Variants in DNAJB1 observed in about 807,000 individuals in gnomAD.
DNAJB1 encodes the protein DnaJ heat shock protein family (Hsp40) member B1.
Under a neutral mutation model 24.0 loss-of-function variants are expected in DNAJB1, and 14 were observed. The observed-to-expected ratio is 0.58, with a 90% CI of 0.39 to 0.91. DNAJB1 has a LOEUF of 0.91. Ranked by LOEUF, DNAJB1 falls within the 40% of genes least tolerant of loss-of-function variation. The pLI, the probability that DNAJB1 is intolerant of heterozygous loss-of-function variation, is 0.00. For missense variants in DNAJB1, 517 were observed against 458.1 expected, an observed-to-expected ratio of 1.13 and a Z score of -1.17; for synonymous variants, 262 against 174.4, an observed-to-expected ratio of 1.50 and a Z score of -3.96.
At chr19:14,518,634 C>T (rs890538861), upstream of DNAJB1, among the ~76,000 whole-genome samples, 1 of 152,058 alleles carries the variant, frequency 6.6e-6, no homozygotes, top group Non-Finnish European at 1.5e-5. Flanking sequence ...GCGCACAGGT[C>T]GGAGGAGGCC....
intron 1 of DNAJB1, among the ~76,000 whole-genome samples, chr19:14,528,940 AAAAAC>A (rs553743215): frequency 2.6e-5 from 4 of 152,286 alleles, no homozygotes; most frequent in Non-Finnish European, 4.4e-5. Context: ...AGATTGTTTC[AAAAAC>A]AAAACAAAAC....
intron 1 of DNAJB1, among the ~76,000 whole-genome samples, chr19:14,541,035 AG>A (rs2073079707): frequency 6.6e-6 from 1 of 152,150 alleles, no homozygotes; most frequent in Non-Finnish European, 1.5e-5. Flanking sequence ...CATGTGGGCC[AG>A]GCTGATCTCG....
chr19:14,518,480 C>G, upstream of DNAJB1: 1 of 668,000 alleles, frequency 1.5e-6, no homozygotes, highest in South Asian at 7.1e-5. Flanking sequence ...CCTTCCGCCC[C>G]GCCCGCCCCC....
chr19:14,551,928 TCTC>T (rs2073526454), upstream of DNAJB1, among the ~76,000 whole-genome samples: 1 of 102,898 alleles, frequency 9.7e-6, no homozygotes, highest in Non-Finnish European at 2.0e-5. Context: ...CCTCCCTCCC[TCTC>T]TCTCTCCCTC....
intron 1 of DNAJB1, among the ~76,000 whole-genome samples, chr19:14,557,998 G>GC (rs904948099): frequency 1.3e-5 from 2 of 151,922 alleles, no homozygotes; most frequent in Non-Finnish European, 2.9e-5. Flanking sequence ...CTCGTGATTC[G>GC]CCCGCCTCGG....
At chr19:14,557,881 G>A (rs377093916) in intron 1 of DNAJB1, among the ~76,000 whole-genome samples, 4 of 151,860 alleles carry the variant, frequency 2.6e-5, no homozygotes, top group Non-Finnish European at 5.9e-5. Context: ...TCAGCCTCCC[G>A]AGTAGCTGGG....
upstream of DNAJB1, chr19:14,532,220 A>G (rs950933387): frequency 2.0e-5 from 3 of 152,098 alleles, no homozygotes; most frequent in Admixed American, 2.0e-4. Flanking sequence ...AATATGCTCC[A>G]CCGTACTTAA....
rs1392387346 is a variant in DNAJB1, at chr19:14,516,987, T to C, written c.271A>G (p.Ser91Gly). The C allele has an allele frequency of 2.5e-6, 4 of 1,611,908 alleles. No homozygotes were observed. In the African/African-American group the frequency reaches 5.3e-5, roughly 22 times the overall value. ...TGAGGGTCTCCATGGAATGTGTAGC[T>C]GAAAGAGGTACCATTGGCACCACCG... The part of the protein sequence containing the change: ...SGGGANGTSF[S>G]YTFHGDPHAM... The change falls in exon 2 of 3, where the codon AGC becomes GGC. Residue 91 changes from serine to glycine, a missense_variant. Ser to Gly is a moderately conservative substitution (Grantham distance 56). Transcript: ENST00000254322.
chr19:14,552,828 G>A (rs2073581159), upstream of DNAJB1, among the ~76,000 whole-genome samples: 2 of 152,076 alleles, frequency 1.3e-5, no homozygotes, highest in African/African-American at 4.8e-5. Context: ...GAGCCACTGC[G>A]CCCGGCCCAG....
chr19:14,551,025 C>T (rs1191562817), upstream of DNAJB1, among the ~76,000 whole-genome samples: 3 of 151,728 alleles, frequency 2.0e-5, no homozygotes, highest in Non-Finnish European at 4.4e-5. Context: ...ACCTTAAATT[C>T]AGGATAATGT....
At chr19:14,545,417 T>C (rs937288894) in intron 1 of DNAJB1, among the ~76,000 whole-genome samples, 2 of 151,386 alleles carry the variant, frequency 1.3e-5, no homozygotes, top group Non-Finnish European at 2.9e-5. Context: ...TCTGCACCGC[T>C]GTCTCCTCTC....
intron 1 of DNAJB1, among the ~76,000 whole-genome samples, chr19:14,535,494 G>A (rs575381352): frequency 4.3e-5 from 4 of 93,774 alleles, no homozygotes; most frequent in East Asian, 4.1e-4. Flanking sequence ...GCGACAGAGC[G>A]AGACTCCGTC....
At chr19:14,554,318 C>A (rs1261353767), upstream of DNAJB1, among the ~76,000 whole-genome samples, 1 of 152,188 alleles carries the variant, frequency 6.6e-6, no homozygotes, top group African/African-American at 2.4e-5. Context: ...CAGGTCACGT[C>A]CTAGGACACA....
At chr19:14,543,387 G>GAA (rs2073168086) in intron 1 of DNAJB1, among the ~76,000 whole-genome samples, 2 of 35,710 alleles carry the variant, frequency 5.6e-5, no homozygotes, top group Non-Finnish European at 5.6e-5. Flanking sequence ...TTGTTTCAGA[G>GAA]AATATATATA....
At chr19:14,553,330 C>T (rs566422408), upstream of DNAJB1, among the ~76,000 whole-genome samples, 2 of 152,266 alleles carry the variant, frequency 1.3e-5, no homozygotes, top group Admixed American at 1.3e-4. Flanking sequence ...CTCGTCTTGC[C>T]AGCACAGGTA....
chr19:14,551,470 G>C (rs2073502308), upstream of DNAJB1, among the ~76,000 whole-genome samples: 1 of 152,138 alleles, frequency 6.6e-6, no homozygotes. Flanking sequence ...AGATGGTCTT[G>C]CAGGCACACC....
chr19:14,529,623 T>A (rs561305115), upstream of DNAJB1: 2 of 1,610,572 alleles, frequency 1.2e-6, no homozygotes, highest in Admixed American at 1.7e-5. Context: ...TTGCGAGCGC[T>A]GTAGGGAGCC....
chr19:14,529,449 C>T, upstream of DNAJB1: 2 of 635,048 alleles, frequency 3.1e-6, no homozygotes, highest in East Asian at 2.8e-5. Flanking sequence ...ATTGGTCTCG[C>T]AAGTTGATTG....
At chr19:14,550,862 G>A (rs747595215), upstream of DNAJB1, among the ~76,000 whole-genome samples, 35 of 151,788 alleles carry the variant, frequency 2.3e-4, no homozygotes, top group Admixed American at 6.6e-4. Context: ...TGTAGAGACA[G>A]GGTTTCACCA....
Sources: gnomAD v4.1 joint callset for allele counts (sites outside exome capture counted in the v4.1 genomes callset) on GRCh38, gnomAD v4.1.1 for gene constraint, MANE v1.5 for transcripts, NCBI Gene and HGNC (gene_info 2026-07-23, HGNC 2026-07-21) for gene names.